SORBS2: variants seen among roughly 807,000 people sequenced by gnomAD.
SORBS2 encodes the protein sorbin and SH3 domain containing 2.
SORBS2 carries 46 observed loss-of-function variants against 97.7 expected under a neutral mutation model. The observed-to-expected ratio is 0.47, with a 90% CI of 0.37 to 0.60. SORBS2 has a LOEUF of 0.60. SORBS2 is among the 20% of genes least tolerant of loss of function. The pLI, the probability that SORBS2 is intolerant of heterozygous loss-of-function variation, is 0.00. For missense variants in SORBS2, 1,316 were observed against 1,282.3 expected (o/e 1.03, Z -0.40); for synonymous variants, 476 against 473.4 (o/e 1.01, Z -0.07).
Position 185,649,532 on chromosome 4 carries a change from C to T in SORBS2, c.216G>A (p.Val72=), listed in dbSNP as rs150021786. The change falls in exon 3 of 15, where the codon GTG becomes GTA. Residue 72 remains valine, a synonymous_variant. Coordinates refer to ENST00000418609, the Ensembl canonical transcript of SORBS2. ...CTGGAGGTGGAACATGTGGGGGAGGCACTGGGGAGGACGCATCCTTAAAGG... is the reference window on the plus strand; with the variant it reads ...CTGGAGGTGGAACATGTGGGGGAGGTACTGGGGAGGACGCATCCTTAAAGG... The T allele has an allele frequency of 2.7e-3, 4,335 of 1,604,362 alleles. 194 individuals carry two copies. The Admixed American group carries it at 0.07, about 26-fold the overall frequency.
rs757154817 is a variant in SORBS2 at position 185,622,938 on chromosome 4, G to T, written c.2191C>A (p.Gln731Lys). ...CCTTGGAGTGCACCGCCACGGTCTT[G>T]GTGGTGGCAGCTGCTGTTGGCTGTG... Residue 731 changes from glutamine (Q) to lysine (K), a missense_variant, in exon 7 of 15, where the codon CAA becomes AAA. Transcript: ENST00000418609. The T allele has an allele frequency of 1.9e-5, 31 of 1,612,336 alleles. No individual in the cohort carries two copies. Among genetic ancestry groups the T allele is most frequent in the Non-Finnish European group, 2.3e-5 (27 of 1,179,028 alleles).
intron 2 of SORBS2, among the ~76,000 whole-genome samples, chr4:185,763,906 A>G (rs1220009451): frequency 6.6e-6 from 1 of 152,232 alleles, no homozygotes; most frequent in East Asian, 1.9e-4. Flanking sequence ...AAACAAATAG[A>G]AAAAATTGGA....
chr4:185,941,114 A>C (rs1280485264), intron 1 of SORBS2, among the ~76,000 whole-genome samples: 1 of 152,234 alleles, frequency 6.6e-6, no homozygotes, highest in African/African-American at 2.4e-5. Flanking sequence ...ACTTATCTGC[A>C]TCATCATAAT....
chr4:185,665,673 G>T, intron 4 of SORBS2: 1 of 809,110 alleles, frequency 1.2e-6, no homozygotes, highest in Non-Finnish European at 1.5e-6. Flanking sequence ...AAAATGAGAT[G>T]GCACAACAAA....
At chr4:185,626,902 G>A in exon 6 of SORBS2, 1 of 1,614,216 alleles carries the variant, frequency 6.2e-7, no homozygotes, top group Non-Finnish European at 8.5e-7. Flanking sequence ...TTGATCCTGG[G>A]AGGTCCACTC....
chr4:185,681,694 C>A (rs1165712341), intron 2 of SORBS2, among the ~76,000 whole-genome samples: 1 of 152,124 alleles, frequency 6.6e-6, no homozygotes, highest in Admixed American at 6.5e-5. Flanking sequence ...TCTTACCAGC[C>A]CTTTTCCTTG....
intron 4 of SORBS2, among the ~76,000 whole-genome samples, chr4:185,634,004 C>G (rs2096952298): frequency 6.6e-6 from 1 of 151,952 alleles, no homozygotes; most frequent in Admixed American, 6.6e-5. Flanking sequence ...AGAATATAAC[C>G]CCTTGTTTTA....
chr4:185,730,771 G>A (rs1205398859), intron 2 of SORBS2, among the ~76,000 whole-genome samples: 1 of 152,212 alleles, frequency 6.6e-6, no homozygotes, highest in Non-Finnish European at 1.5e-5. Context: ...GCAGGTCCAG[G>A]CGTTAAATGC....
chr4:185,770,260 T>A (rs190261754), intron 2 of SORBS2, among the ~76,000 whole-genome samples: 8 of 152,304 alleles, frequency 5.3e-5, no homozygotes, highest in Non-Finnish European at 8.8e-5. Flanking sequence ...TTAACAGCGA[T>A]TTTTGTCTTA....
At chr4:185,677,096 CTGTT>C in intron 4 of SORBS2, 1 of 1,551,564 alleles carries the variant, frequency 6.4e-7, no homozygotes, top group Non-Finnish European at 8.7e-7. Flanking sequence ...GCTCAGGTAG[CTGTT>C]TGTGGCTTTC....
At chr4:185,665,125 T>C (rs536026021) in intron 4 of SORBS2, among the ~76,000 whole-genome samples, 1 of 152,344 alleles carries the variant, frequency 6.6e-6, no homozygotes, top group East Asian at 1.9e-4. Flanking sequence ...TAAATTTCTG[T>C]CCTGAAATGG....
At chr4:185,952,031 CTTT>C (rs72052066) in intron 1 of SORBS2, among the ~76,000 whole-genome samples, 29 of 127,714 alleles carry the variant, frequency 2.3e-4, no homozygotes, top group South Asian at 6.7e-4. Flanking sequence ...AAAATAGCTT[CTTT>C]TTTTTTTTTT....
At chr4:185,881,397 C>T (rs941798758) in intron 1 of SORBS2, among the ~76,000 whole-genome samples, 4 of 152,112 alleles carry the variant, frequency 2.6e-5, no homozygotes, top group Non-Finnish European at 4.4e-5. Flanking sequence ...TCTGAAATAA[C>T]AGAAAGTGCT....
chr4:185,904,134 T>A (rs2099249338), intron 1 of SORBS2, among the ~76,000 whole-genome samples: 2 of 152,352 alleles, frequency 1.3e-5, no homozygotes, highest in Admixed American at 1.3e-4. Flanking sequence ...ATGACTTCAG[T>A]TTTCTAAATT....
intron 1 of SORBS2, among the ~76,000 whole-genome samples, chr4:185,812,562 C>T (rs1333317428): frequency 6.6e-6 from 1 of 152,228 alleles, no homozygotes; most frequent in African/African-American, 2.4e-5. Flanking sequence ...GAGACCCTAA[C>T]TGGAAGCATT....
intron 1 of SORBS2, among the ~76,000 whole-genome samples, chr4:185,793,579 T>C (rs2099091157): frequency 6.6e-6 from 1 of 152,236 alleles, no homozygotes. Flanking sequence ...TTATCTATTA[T>C]GGAAATTTAT....
chr4:185,648,545 A>G (rs915252450), intron 3 of SORBS2, among the ~76,000 whole-genome samples: 2 of 152,034 alleles, frequency 1.3e-5, no homozygotes, highest in African/African-American at 2.4e-5. Context: ...CTGATCATCA[A>G]TTACTCTTAA....
At chr4:185,769,996 T>C (rs111586289) in intron 2 of SORBS2, among the ~76,000 whole-genome samples, 3 of 152,314 alleles carry the variant, frequency 2.0e-5, no homozygotes, top group African/African-American at 7.2e-5. Flanking sequence ...TTTTTTTTCT[T>C]TTTTAGGTGA....
intron 2 of SORBS2, 197 bp downstream of exon 2, chr4:185,775,030 T>C (rs951323158): frequency 3.3e-5 from 5 of 152,154 alleles, no homozygotes; most frequent in African/African-American, 1.2e-4. Context: ...GTCACTATTA[T>C]GAGAGCTTTA....
Sources: gnomAD v4.1 joint callset for allele counts (sites outside exome capture counted in the v4.1 genomes callset) on GRCh38, gnomAD v4.1.1 for gene constraint, MANE v1.5 for transcripts, NCBI Gene and HGNC (gene_info 2026-07-23, HGNC 2026-07-21) for gene names.